TMC1: variants seen among roughly 807,000 people sequenced by gnomAD.
The protein encoded by TMC1 is transmembrane channel-like protein 1.
In TMC1, 84 loss-of-function variants were observed where a neutral mutation model predicts 105.8. That is an observed-to-expected ratio of 0.79 (90% CI 0.67 to 0.95). TMC1 has a LOEUF of 0.95. Among genes scored for constraint, TMC1 ranks in the 40% least tolerant of loss-of-function variants. The pLI is 0.00. For missense variants in TMC1, 817 were observed against 914.1 expected (o/e 0.89, Z 1.37); for synonymous variants, 315 against 311.5 (o/e 1.01, Z -0.12).
intron 2 of TMC1, among the ~76,000 whole-genome samples, chr9:72,590,619 T>C (rs1824623242): frequency 6.6e-6 from 1 of 152,196 alleles, no homozygotes; most frequent in African/African-American, 2.4e-5. Flanking sequence ...TCAACACATA[T>C]TCGTTGGGTG....
intron 1 of TMC1, among the ~76,000 whole-genome samples, chr9:72,559,485 C>CTTATTTCCTGAT (rs1481336184): frequency 1.3e-5 from 2 of 152,098 alleles, no homozygotes; most frequent in African/African-American, 4.8e-5. Flanking sequence ...ACTCTAGTGT[C>CTTATTTCCTGAT]ACCTATTTCC....
At chr9:72,607,028 A>AG (rs770219292) in intron 2 of TMC1, among the ~76,000 whole-genome samples, 12 of 91,124 alleles carry the variant, frequency 1.3e-4, no homozygotes, top group Admixed American at 4.2e-4. Flanking sequence ...GAGAGAGAGA[A>AG]AGAGAACTTA....
At chr9:72,605,987 A>T (rs1056556464) in intron 2 of TMC1, among the ~76,000 whole-genome samples, 8 of 152,110 alleles carry the variant, frequency 5.3e-5, no homozygotes, top group Non-Finnish European at 1.0e-4. Flanking sequence ...ATTTAACCTT[A>T]ATTACTTCTT....
chr9:72,661,844 G>A (rs1413282103), intron 5 of TMC1, among the ~76,000 whole-genome samples: 3 of 152,202 alleles, frequency 2.0e-5, no homozygotes, highest in Non-Finnish European at 4.4e-5. Context: ...CAGTTGGGTA[G>A]TTGCTAAACT....
At chr9:72,777,444 A>G (rs1202282095) in intron 13 of TMC1, among the ~76,000 whole-genome samples, 1 of 152,192 alleles carries the variant, frequency 6.6e-6, no homozygotes, top group African/African-American at 2.4e-5. Context: ...GATGTATGTA[A>G]TGATGAATTT....
chr9:72,686,267 G>A (rs1826378728), intron 5 of TMC1, among the ~76,000 whole-genome samples: 1 of 152,180 alleles, frequency 6.6e-6, no homozygotes, highest in African/African-American at 2.4e-5. Flanking sequence ...ATGGGCATTG[G>A]GGAGCAGCTG....
At chr9:72,565,792 T>C (rs1824141725) in intron 1 of TMC1, among the ~76,000 whole-genome samples, 1 of 152,200 alleles carries the variant, frequency 6.6e-6, no homozygotes, top group African/African-American at 2.4e-5. Flanking sequence ...GGAATTGCCC[T>C]TTATAAAACC....
chr9:72,751,408 C>T lies in TMC1; in HGVS notation c.536-442C>T, dbSNP rs554773757. Among the ~76,000 whole-genome samples, 10 of 152,244 alleles carry T rather than the reference C, an allele frequency of 6.6e-5. No individual in the cohort carries two copies. The South Asian group carries it at 2.1e-3, about 32-fold the overall frequency. On this transcript the variant is annotated intron_variant, in intron 10 of 23. Coordinates refer to ENST00000297784, the MANE Select transcript of TMC1 (RefSeq NM_138691.3). ...CTCTTTTTGAGAAGAACATTGTTTG[C>T]CTGAGAAAAGGAAGAGAAAATAGCA...
chr9:72,535,785 G>A (rs1010777893), intron 1 of TMC1, among the ~76,000 whole-genome samples: 3 of 152,190 alleles, frequency 2.0e-5, no homozygotes, highest in Non-Finnish European at 4.4e-5. Flanking sequence ...CTTCATGTGT[G>A]GAAATCATAG....
At chr9:72,733,845 CT>C (rs918486475) in intron 8 of TMC1, among the ~76,000 whole-genome samples, 5 of 150,528 alleles carry the variant, frequency 3.3e-5, no homozygotes, top group African/African-American at 7.3e-5. Flanking sequence ...CCTCAGCATA[CT>C]TTTTTTTTTC....
intron 13 of TMC1, among the ~76,000 whole-genome samples, chr9:72,786,008 A>G (rs149387606): frequency 8.9e-4 from 135 of 152,298 alleles, no homozygotes; most frequent in African/African-American, 3.0e-3. Flanking sequence ...CAGAGGCTAC[A>G]TTATAGTGAC....
At chr9:72,561,173 T>A (rs148338830) in intron 1 of TMC1, among the ~76,000 whole-genome samples, 12,540 of 151,630 alleles carry the variant, frequency 0.083, 681 homozygotes, top group Non-Finnish European at 0.13. Flanking sequence ...TGCAAAAAAT[T>A]AGCCGGGCGT....
At chr9:72,795,970 G>GAA (rs1217720258) in intron 17 of TMC1, among the ~76,000 whole-genome samples, 1 of 149,930 alleles carries the variant, frequency 6.7e-6, no homozygotes, top group African/African-American at 2.5e-5. Flanking sequence ...TACCAACCAA[G>GAA]AGAAAACAGA....
intron 17 of TMC1, among the ~76,000 whole-genome samples, chr9:72,794,066 A>T (rs1437411052): frequency 6.6e-6 from 1 of 152,110 alleles, no homozygotes; most frequent in East Asian, 1.9e-4. Flanking sequence ...TGTCTCTCAC[A>T]GGTCCTACCT....
In TMC1 at chr9:72,561,499, G is replaced by A. The variant is rs561399001; in HGVS notation, c.-427-16403G>A. ...ATGTGGAAGGCTGACCAAAGTTGGC[G>A]CTTTGGTCTCACTATAAGCCATAGT... is the stretch of plus-strand genomic sequence containing the variant. On this transcript the variant is annotated intron_variant, in intron 1 of 23. Transcript: ENST00000297784. 6.6e-5 allele frequency among the ~76,000 whole-genome samples: 10 copies of A among 152,172 alleles called. No individual in the cohort carries two copies. The South Asian group carries it at 1.2e-3, about 19-fold the overall frequency.
intron 17 of TMC1, among the ~76,000 whole-genome samples, chr9:72,802,533 C>T (rs1828493934): frequency 6.6e-6 from 1 of 152,214 alleles, no homozygotes. Flanking sequence ...TTAAGAAACT[C>T]ACTCAAAACC....
At chr9:72,713,830 T>G (rs1353566138) in intron 8 of TMC1, among the ~76,000 whole-genome samples, 3 of 152,064 alleles carry the variant, frequency 2.0e-5, no homozygotes, top group African/African-American at 4.8e-5. Context: ...TTTTTGCTCT[T>G]GCTTCTCTAG....
chr9:72,805,472 T>C lies in TMC1; in HGVS notation c.1657T>C (p.Cys553Arg). 2 of 1,614,006 alleles carry C rather than the reference T, an allele frequency of 1.2e-6. No homozygotes were observed. Among genetic ancestry groups the C allele is most frequent in the Non-Finnish European group, 1.7e-6 (2 of 1,179,958 alleles). The change falls in exon 18 of 24, where the codon TGC becomes CGC. Residue 553 changes from cysteine to arginine, a missense_variant. Physicochemically the swap from Cys to Arg is radical, Grantham distance 180. Transcript: ENST00000297784. Reference protein sequence around the residue: ...DFLRACFVRFCNYCWCWDLEY... With the variant: ...DFLRACFVRFRNYCWCWDLEY... ...TCTAAGGGCATGTTTTGTGAGGTTT[T>C]GCAATTATTGCTGGTGCTGGGACTT...
At chr9:72,700,760 A>C in intron 8 of TMC1, 117 bp downstream of exon 8, 1 of 175,554 alleles carries the variant, frequency 5.7e-6, no homozygotes, top group Non-Finnish European at 8.7e-6. Flanking sequence ...ACACACACAC[A>C]TACACACACA....
Sources: gnomAD v4.1 joint callset for allele counts (sites outside exome capture counted in the v4.1 genomes callset) on GRCh38, gnomAD v4.1.1 for gene constraint, MANE v1.5 for transcripts, NCBI Gene and HGNC (gene_info 2026-07-23, HGNC 2026-07-21) for gene names.